Variants in PARD3 observed in about 807,000 individuals in gnomAD.
PARD3 encodes the protein partitioning defective 3 homolog.
Under a neutral mutation model 155.4 loss-of-function variants are expected in PARD3, and 75 were observed. The observed-to-expected ratio is 0.48, with a 90% CI of 0.40 to 0.58. The LOEUF (loss-of-function observed/expected upper bound fraction) is 0.58. PARD3 is among the 20% of genes least tolerant of loss of function. PARD3 has a pLI of 0.00. For synonymous variants in PARD3, 576 were observed against 610.5 expected, an observed-to-expected ratio of 0.94 and a Z score of 0.83; for missense variants, 1,642 against 1,721.7, an observed-to-expected ratio of 0.95 and a Z score of 0.82.
At chr10:34,502,955 C>A (rs537325830) in intron 3 of PARD3, among the ~76,000 whole-genome samples, 1 of 152,154 alleles carries the variant, frequency 6.6e-6, no homozygotes. Context: ...AGGGATCCAA[C>A]TGAACCATGG....
intron 4 of PARD3, among the ~76,000 whole-genome samples, chr10:34,465,201 T>C (rs1008562368): frequency 7.2e-5 from 11 of 152,170 alleles, no homozygotes; most frequent in Non-Finnish European, 1.2e-4. Flanking sequence ...TTCAATCTAA[T>C]CTTGGTTGAA....
chr10:34,252,635 T>C (rs1015857246), intron 22 of PARD3, among the ~76,000 whole-genome samples: 1 of 152,278 alleles, frequency 6.6e-6, no homozygotes, highest in East Asian at 1.9e-4. Flanking sequence ...TTATCACCAG[T>C]GCCTGCATGA....
chr10:34,199,412 C>A (rs955890082), intron 22 of PARD3, among the ~76,000 whole-genome samples: 2 of 152,144 alleles, frequency 1.3e-5, no homozygotes, highest in African/African-American at 4.8e-5. Context: ...GCATCTCACA[C>A]GTGGAGCTGG....
intron 24 of PARD3, among the ~76,000 whole-genome samples, chr10:34,113,858 A>C (rs1946527664): frequency 6.6e-6 from 1 of 152,232 alleles, no homozygotes. Context: ...AAAGAAATGA[A>C]ATAACACATG....
At chr10:34,664,487 C>T (rs2093402726) in intron 2 of PARD3, among the ~76,000 whole-genome samples, 1 of 151,550 alleles carries the variant, frequency 6.6e-6, no homozygotes, top group East Asian at 1.9e-4. Context: ...AGGCGTAAGC[C>T]ACTGCACCTG....
At chr10:34,160,443 G>A (rs551854842) in intron 22 of PARD3, among the ~76,000 whole-genome samples, 9 of 152,286 alleles carry the variant, frequency 5.9e-5, no homozygotes, top group Non-Finnish European at 1.0e-4. Context: ...CAACACATCA[G>A]CCTTCAAGAG....
intron 2 of PARD3, among the ~76,000 whole-genome samples, chr10:34,659,858 C>T (rs2093277210): frequency 6.6e-6 from 1 of 152,156 alleles, no homozygotes; most frequent in Admixed American, 6.5e-5. Flanking sequence ...AAACACAAAC[C>T]CAAGGGCCTT....
At chr10:34,303,901 T>A (rs1404688535) in intron 20 of PARD3, among the ~76,000 whole-genome samples, 1 of 151,948 alleles carries the variant, frequency 6.6e-6, no homozygotes, top group African/African-American at 2.4e-5. Context: ...ACCTCATAAT[T>A]GTTTTGATAG....
intron 20 of PARD3, among the ~76,000 whole-genome samples, chr10:34,306,278 CA>C (rs201060958): frequency 8.5e-4 from 111 of 130,146 alleles, no homozygotes; most frequent in African/African-American, 1.6e-3. Flanking sequence ...AAGAATGTCT[CA>C]AAAAAAAAAA....
At chr10:34,791,844 A>G (rs1456573359) in intron 1 of PARD3, among the ~76,000 whole-genome samples, 1 of 137,320 alleles carries the variant, frequency 7.3e-6, no homozygotes, top group Non-Finnish European at 1.6e-5. Flanking sequence ...TGCCTCGTTT[A>G]AAAAAAAAAA....
chr10:34,267,792 G>T (rs936886934), intron 22 of PARD3, among the ~76,000 whole-genome samples: 2 of 152,148 alleles, frequency 1.3e-5, no homozygotes, highest in African/African-American at 4.8e-5. Flanking sequence ...AATGGTACCA[G>T]CATCAAACCT....
chr10:34,346,391 C>A (rs116870856), intron 15 of PARD3: 2 of 1,331,792 alleles, frequency 1.5e-6, no homozygotes, highest in African/African-American at 1.5e-5. Flanking sequence ...GGAGGCAGGA[C>A]GCAGGTTACA....
intron 2 of PARD3, among the ~76,000 whole-genome samples, chr10:34,645,460 C>A (rs1376644056): frequency 6.6e-6 from 1 of 152,164 alleles, no homozygotes; most frequent in Non-Finnish European, 1.5e-5. Flanking sequence ...CCTGCCTCAG[C>A]CTCCCAAAGT....
chr10:34,215,357 A>C (rs753548921), intron 22 of PARD3, among the ~76,000 whole-genome samples: 9 of 152,196 alleles, frequency 5.9e-5, no homozygotes, highest in Non-Finnish European at 8.8e-5. Context: ...CCTGTAATAA[A>C]GTAAGGGAGA....
At chr10:34,633,232 C>T (rs533691543) in intron 2 of PARD3, among the ~76,000 whole-genome samples, 4 of 152,244 alleles carry the variant, frequency 2.6e-5, no homozygotes, top group South Asian at 4.1e-4. Context: ...TTATTAGCTA[C>T]ATTCACTACA....
chr10:34,350,772 T>A (rs1014537697), intron 14 of PARD3, among the ~76,000 whole-genome samples: 1 of 152,206 alleles, frequency 6.6e-6, no homozygotes, highest in South Asian at 2.1e-4. Context: ...TACAGTCCCC[T>A]GTAGCAGTGG....
chr10:34,788,431 C>T (rs2134224844), intron 1 of PARD3, among the ~76,000 whole-genome samples: 1 of 150,452 alleles, frequency 6.6e-6, no homozygotes, highest in Middle Eastern at 3.4e-3. Context: ...CCTACCTGGG[C>T]CAAGCTCTAG....
At chr10:34,615,932 CA>C (rs1328381520) in intron 2 of PARD3, among the ~76,000 whole-genome samples, 19 of 152,208 alleles carry the variant, frequency 1.2e-4, no homozygotes, top group African/African-American at 4.6e-4. Context: ...ACCAAAAAGA[CA>C]AAAAATAACA....
intron 22 of PARD3, among the ~76,000 whole-genome samples, chr10:34,267,955 C>T (rs887094879): frequency 6.6e-6 from 1 of 152,120 alleles, no homozygotes; most frequent in African/African-American, 2.4e-5. Flanking sequence ...ATGAAACCTG[C>T]TATTCATAAT....
Sources: gnomAD v4.1 joint callset for allele counts (sites outside exome capture counted in the v4.1 genomes callset) on GRCh38, gnomAD v4.1.1 for gene constraint, MANE v1.5 for transcripts, NCBI Gene and HGNC (gene_info 2026-07-23, HGNC 2026-07-21) for gene names.